Variants in ATRNL1 observed in about 807,000 individuals in gnomAD.
ATRNL1 encodes attractin like 1, also known as attractin-like protein 1.
A neutral mutation model predicts 182.7 loss-of-function variants in ATRNL1; 95 were observed. The ratio of observed to expected loss-of-function variants is 0.52; its 90% CI spans 0.44 to 0.62. The LOEUF (loss-of-function observed/expected upper bound fraction) is 0.62. Ranked by LOEUF, ATRNL1 falls within the 20% of genes least tolerant of loss-of-function variation. The pLI, the probability that ATRNL1 is intolerant of heterozygous loss-of-function variation, is 0.00. For missense variants in ATRNL1, 1,471 were observed against 1,679.5 expected (o/e 0.88, Z 2.17); for synonymous variants, 576 against 568.3 (o/e 1.01, Z -0.19).
chr10:115,620,154 A>AGAAGAGGAAGGGAAATCATGGC (rs1565219436), intron 26 of ATRNL1, among the ~76,000 whole-genome samples: 1 of 151,974 alleles, frequency 6.6e-6, no homozygotes, highest in Non-Finnish European at 1.5e-5. Flanking sequence ...ACAATCATGG[A>AGAAGAGGAAGGGAAATCATGGC]AGAAGAGGAA....
chr10:115,715,445 C>T (rs11197416), intron 26 of ATRNL1, among the ~76,000 whole-genome samples: 42,355 of 151,984 alleles, frequency 0.28, 7,294 homozygotes, highest in Middle Eastern at 0.4. Context: ...ATGGAGGGAA[C>T]CCTGGAATAT....
chr10:115,451,082 G>T (rs1847257562), intron 21 of ATRNL1, among the ~76,000 whole-genome samples: 1 of 152,082 alleles, frequency 6.6e-6, no homozygotes, highest in Non-Finnish European at 1.5e-5. Flanking sequence ...GAAGATTGAA[G>T]CTGGACCCCT....
chr10:115,386,453 T>G (rs552581152), intron 19 of ATRNL1, among the ~76,000 whole-genome samples: 279 of 152,162 alleles, frequency 1.8e-3, no homozygotes, highest in African/African-American at 6.3e-3. Flanking sequence ...CAGTTGAGGG[T>G]GTTCAAGCTG....
At chr10:115,863,002 A>G (rs1951350175) in intron 28 of ATRNL1, among the ~76,000 whole-genome samples, 1 of 152,238 alleles carries the variant, frequency 6.6e-6, no homozygotes, top group African/African-American at 2.4e-5. Context: ...AAGGAAATCT[A>G]CAAACGTCTA....
chr10:115,617,864 C>G (rs1857519172), intron 26 of ATRNL1, among the ~76,000 whole-genome samples: 1 of 152,110 alleles, frequency 6.6e-6, no homozygotes. Flanking sequence ...GATCTGTGTT[C>G]CTACCCAAAG....
intron 24 of ATRNL1, among the ~76,000 whole-genome samples, chr10:115,511,240 G>C (rs1554982613): frequency 6.6e-6 from 1 of 151,798 alleles, no homozygotes; most frequent in Admixed American, 6.6e-5. Context: ...ATATGGAATA[G>C]ATTTCATCGT....
chr10:115,646,092 G>A (rs60303530), intron 26 of ATRNL1, among the ~76,000 whole-genome samples: 3,371 of 143,416 alleles, frequency 0.024, 116 homozygotes, highest in African/African-American at 0.08. Context: ...CATTTAAGCT[G>A]AGGGAATACT....
chr10:115,127,821 G>A (rs1174535539), intron 4 of ATRNL1, 100 bp downstream of exon 4: 4 of 790,556 alleles, frequency 5.1e-6, no homozygotes, highest in Non-Finnish European at 7.2e-6. Context: ...TATACCAGAA[G>A]CAGGCTACCG....
At chr10:115,908,485 T>A (rs1285304487) in intron 28 of ATRNL1, among the ~76,000 whole-genome samples, 1 of 152,114 alleles carries the variant, frequency 6.6e-6, no homozygotes, top group Non-Finnish European at 1.5e-5. Flanking sequence ...CTCTTCTGCC[T>A]CCCTCTTCCC....
intron 4 of ATRNL1, among the ~76,000 whole-genome samples, chr10:115,128,860 A>G (rs547768193): frequency 1.3e-5 from 2 of 151,906 alleles, no homozygotes; most frequent in African/African-American, 4.8e-5. Flanking sequence ...TTAAAGCTAA[A>G]TATGATAAAC....
rs541355277 is a variant in ATRNL1 at position 115,548,758 on chromosome 10, A to T, written c.3717-700A>T. Reference sequence around the variant, plus strand: ...TGACTTATTTCTTAAAGTAAACATTAGCATATGCCAGGGTTTCTCAGCCTC... The same window carrying T: ...TGACTTATTTCTTAAAGTAAACATTTGCATATGCCAGGGTTTCTCAGCCTC... On this transcript the variant is annotated intron_variant, in intron 25 of 28. Transcript: ENST00000355044. Among the ~76,000 whole-genome samples, 21 of 152,288 alleles carry T rather than the reference A, an allele frequency of 1.4e-4. No homozygotes were observed. The South Asian group carries it at 4.3e-3, about 32-fold the overall frequency.
At chr10:115,527,384 G>A (rs1554986837) in intron 25 of ATRNL1, among the ~76,000 whole-genome samples, 1 of 152,116 alleles carries the variant, frequency 6.6e-6, no homozygotes, top group Non-Finnish European at 1.5e-5. Context: ...GCCTTCCAAA[G>A]TGCTGAGATT....
intron 9 of ATRNL1, among the ~76,000 whole-genome samples, chr10:115,222,627 T>C (rs1191750284): frequency 6.6e-6 from 1 of 152,262 alleles, no homozygotes; most frequent in South Asian, 2.1e-4. Flanking sequence ...ACTGAGGAAA[T>C]GGGATCCAGA....
At chr10:115,742,500 G>C (rs1555067927) in intron 27 of ATRNL1, among the ~76,000 whole-genome samples, 1 of 152,124 alleles carries the variant, frequency 6.6e-6, no homozygotes, top group Non-Finnish European at 1.5e-5. Flanking sequence ...ACAAGGTTGA[G>C]GCTTAAGAAT....
intron 27 of ATRNL1, among the ~76,000 whole-genome samples, chr10:115,810,710 T>C (rs1360322037): frequency 6.6e-6 from 1 of 151,840 alleles, no homozygotes; most frequent in Non-Finnish European, 1.5e-5. Context: ...AGTTATATAG[T>C]TCTTGAGTGA....
intron 18 of ATRNL1, among the ~76,000 whole-genome samples, chr10:115,332,491 T>G (rs111642718): frequency 1.0e-3 from 155 of 152,352 alleles, no homozygotes; most frequent in African/African-American, 3.1e-3. Flanking sequence ...CTGTATTAAT[T>G]GCTTCTCTTA....
intron 4 of ATRNL1, among the ~76,000 whole-genome samples, chr10:115,128,101 T>G (rs2143691816): frequency 6.6e-6 from 1 of 152,282 alleles, no homozygotes; most frequent in East Asian, 1.9e-4. Flanking sequence ...GGAGCTAAGT[T>G]TTTGTAGTCC....
rs374031662 is a variant in ATRNL1 at position 115,905,756 on chromosome 10, A to AG, written c.4019-38901dup. Among the ~76,000 whole-genome samples, 381 of 152,290 alleles carry AG rather than the reference A, an allele frequency of 2.5e-3. 1 individual carries two copies. Among genetic ancestry groups the AG allele is most frequent in the African/African-American group, 8.6e-3 (358 of 41,566 alleles). Reference sequence around the variant, plus strand: ...CTTAACCTGGTTATTCCCCTTTCAAAGCACTCATCTGGAGGCCAAGAATCA... The same window carrying AG: ...CTTAACCTGGTTATTCCCCTTTCAAAGGCACTCATCTGGAGGCCAAGAATCA... On this transcript the variant is annotated intron_variant, in intron 28 of 28. Transcript: ENST00000355044.
At chr10:115,797,350 T>C (rs1484685436) in intron 27 of ATRNL1, among the ~76,000 whole-genome samples, 3 of 152,132 alleles carry the variant, frequency 2.0e-5, no homozygotes, top group African/African-American at 7.2e-5. Context: ...GCCTTTCGAA[T>C]AGTGTTTTTT....
Sources: allele counts gnomAD v4.1 joint callset (sites outside exome capture counted in the v4.1 genomes callset), GRCh38; gene constraint gnomAD v4.1.1; transcripts MANE v1.5; gene names NCBI Gene and HGNC (gene_info 2026-07-23, HGNC 2026-07-21).